The following CFH variants were observed in gnomAD, a reference collection of about 807,000 sequenced individuals.
The protein encoded by CFH is H factor 1 (complement).
In CFH, 53 loss-of-function variants were observed where a neutral mutation model predicts 147.3. The ratio of observed to expected loss-of-function variants is 0.36; its 90% CI spans 0.29 to 0.45. The LOEUF (loss-of-function observed/expected upper bound fraction) is 0.45. CFH is among the 20% of genes least tolerant of loss of function. The pLI, the probability that CFH is intolerant of heterozygous loss-of-function variation, is 1.00. For synonymous variants in CFH, 536 were observed against 489.4 expected (o/e 1.10, Z -1.26); for missense variants, 1,380 against 1,498.0 (o/e 0.92, Z 1.30).
intron 6 of CFH, 116 bp from the exon 7 acceptor site, chr1:196,684,948 C>G: frequency 1.3e-6 from 1 of 783,988 alleles, no homozygotes; most frequent in Non-Finnish European, 2.1e-6. Flanking sequence ...ATTTTAATGC[C>G]ATTTTGTATT....
intron 20 of CFH, among the ~76,000 whole-genome samples, chr1:196,744,124 A>G (rs1390641782): frequency 6.6e-6 from 1 of 152,144 alleles, no homozygotes; most frequent in Non-Finnish European, 1.5e-5. Context: ...AAACCAAAAA[A>G]GGAAATTGTA....
Position 196,743,457 on chromosome 1 carries a change from T to G in CFH, c.3139T>G (p.Ser1047Ala), listed in dbSNP as rs1411551157. Reference protein sequence around the residue: ...WTGRPTCRDTSCVNPPTVQNA... With the variant: ...WTGRPTCRDTACVNPPTVQNA... ...CTTCTTTTTTTTCTATTCAGACACC[T>G]CCTGTGTGAATCCGCCCACAGTACA... The change falls in exon 20 of 22, where the codon TCC becomes GCC. Residue 1047 changes from serine (S) to alanine (A), a missense_variant. Transcript: ENST00000367429. 11 of 1,613,856 alleles carry G rather than the reference T, an allele frequency of 6.8e-6. No individual in the cohort carries two copies. The African/African-American group carries it at 1.3e-4, about 20-fold the overall frequency.
chr1:196,701,230 G>T, intron 9 of CFH: 1 of 1,587,546 alleles, frequency 6.3e-7, no homozygotes, highest in East Asian at 2.2e-5. Flanking sequence ...TGTTTGGTCA[G>T]TCACATTCAG....
At chr1:196,660,862 G>T (rs1363373361) in intron 1 of CFH, among the ~76,000 whole-genome samples, 4 of 152,154 alleles carry the variant, frequency 2.6e-5, no homozygotes, top group Non-Finnish European at 5.9e-5. Flanking sequence ...AGAATTAGGG[G>T]CACAAACGTA....
At chr1:196,667,294 G>C (rs1296531042) in intron 1 of CFH, among the ~76,000 whole-genome samples, 1 of 152,136 alleles carries the variant, frequency 6.6e-6, no homozygotes, top group Non-Finnish European at 1.5e-5. Flanking sequence ...AGTTACCAAC[G>C]TGTCATCAGG....
intron 1 of CFH, among the ~76,000 whole-genome samples, chr1:196,654,866 T>C (rs944639229): frequency 3.9e-5 from 6 of 152,052 alleles, no homozygotes; most frequent in African/African-American, 1.4e-4. Context: ...AAATCCTAAA[T>C]TGTATGTTTG....
chr1:196,725,345 T>A (rs1423626912), intron 12 of CFH, 48 bp downstream of exon 12: 1 of 1,573,514 alleles, frequency 6.4e-7, no homozygotes, highest in Non-Finnish European at 8.7e-7. Context: ...GAACTTTGAA[T>A]ACCAACTTTT....
chr1:196,743,513 T>C lies in CFH; in HGVS notation c.3195T>C (p.Ser1065=). 1 of 1,614,034 alleles carries C rather than the reference T, an allele frequency of 6.2e-7. No individual in the cohort carries two copies. ...CTTATATAGTGTCGAGACAGATGAG[T>C]AAATATCCATCTGGTGAGAGAGTAC... ...QNAYIVSRQM[S]KYPSGERVRY... Residue 1065 remains serine, a synonymous_variant, in exon 20 of 22, where the codon AGT becomes AGC. Transcript: ENST00000367429.
Position 196,737,552 on chromosome 1 carries a change from G to A in CFH, c.2674G>A (p.Ala892Thr). ...ATCCAGGTCTTCACAAGAAAGTTATGCACATGGGACTAAATTGAGTTATAC... is the reference window on the plus strand; with the variant it reads ...ATCCAGGTCTTCACAAGAAAGTTATACACATGGGACTAAATTGAGTTATAC... The part of the protein sequence containing the change: ...NSSRSSQESY[A>T]HGTKLSYTCE... Residue 892 changes from alanine (A) to threonine (T), a missense_variant, in exon 17 of 22, where the codon GCA (alanine) becomes ACA (threonine). Coordinates refer to ENST00000367429, the MANE Select transcript of CFH (RefSeq NM_000186.4). 6.2e-7 allele frequency: 1 copy of A among 1,613,250 alleles called. No individual in the cohort carries two copies. Among genetic ancestry groups the A allele is most frequent in the Non-Finnish European group, 8.5e-7 (1 of 1,179,464 alleles).
Position 196,743,572 on chromosome 1 carries a change from G to C in CFH, c.3254G>C (p.Gly1085Ala). The change falls in exon 20 of 22, where the codon GGG (glycine) becomes GCG (alanine). Residue 1085 changes from glycine (G) to alanine (A), a missense_variant. This residue lies in a region of CFH where 123 missense variants were observed against 185.3 expected (regional missense o/e 0.66). Coordinates refer to ENST00000367429, the MANE Select transcript of CFH (RefSeq NM_000186.4). The stretch of plus-strand genomic sequence containing the variant: ...TGTAGGAGCCCTTATGAAATGTTTG[G>C]GGATGAAGAAGTGATGTGTTTAAAT... Reference protein sequence around the residue: ...YQCRSPYEMFGDEEVMCLNGN... With the variant: ...YQCRSPYEMFADEEVMCLNGN... 1 of 1,614,018 alleles carries C rather than the reference G, an allele frequency of 6.2e-7. No homozygotes were observed.
At chr1:196,714,669 A>ATATATATATATATG (rs1491279313) in intron 10 of CFH, among the ~76,000 whole-genome samples, 1 of 21,240 alleles carries the variant, frequency 4.7e-5, no homozygotes, top group Admixed American at 7.2e-4. Context: ...ATATATATAT[A>ATATATATATATATG]GAGAGAGAGA....
At chr1:196,720,570 A>T (rs1377904759) in intron 11 of CFH, among the ~76,000 whole-genome samples, 1 of 152,012 alleles carries the variant, frequency 6.6e-6, no homozygotes, top group South Asian at 2.1e-4. Flanking sequence ...TTTACCTAAA[A>T]TAATGGCCTT....
intron 9 of CFH, among the ~76,000 whole-genome samples, chr1:196,698,491 G>C (rs919583295): frequency 2.0e-5 from 3 of 152,022 alleles, no homozygotes; most frequent in African/African-American, 7.2e-5. Flanking sequence ...ATAAATTCCT[G>C]GACACATACA....
chr1:196,685,767 C>T (rs1202351131), intron 7 of CFH, among the ~76,000 whole-genome samples: 1 of 151,994 alleles, frequency 6.6e-6, no homozygotes, highest in East Asian at 1.9e-4. Flanking sequence ...TGTCAGGAGG[C>T]CTCAGGTCCT....
At chr1:196,655,254 GT>G (rs1666648327) in intron 1 of CFH, among the ~76,000 whole-genome samples, 1 of 152,126 alleles carries the variant, frequency 6.6e-6, no homozygotes, top group South Asian at 2.1e-4. Flanking sequence ...GGAAGATGGG[GT>G]TTTCCCAGGT....
At chr1:196,667,289 C>T (rs985009914) in intron 1 of CFH, among the ~76,000 whole-genome samples, 2 of 152,126 alleles carry the variant, frequency 1.3e-5, no homozygotes, top group Non-Finnish European at 2.9e-5. Flanking sequence ...TTTCAAGTTA[C>T]CAACGTGTCA....
At chr1:196,685,809 T>C (rs767538036) in intron 7 of CFH, among the ~76,000 whole-genome samples, 24 of 152,066 alleles carry the variant, frequency 1.6e-4, no homozygotes, top group Non-Finnish European at 2.8e-4. Context: ...AGTTGATAAA[T>C]GGCAGCTTTC....
At chr1:196,742,714 A>G (rs1379327371) in intron 19 of CFH, among the ~76,000 whole-genome samples, 1 of 152,190 alleles carries the variant, frequency 6.6e-6, no homozygotes, top group Non-Finnish European at 1.5e-5. Context: ...TGTTTTACCA[A>G]CACCTCCAGG....
At chr1:196,736,310 T>C (rs532546086) in intron 15 of CFH, among the ~76,000 whole-genome samples, 4 of 152,212 alleles carry the variant, frequency 2.6e-5, no homozygotes, top group African/African-American at 9.6e-5. Flanking sequence ...TGATTATATT[T>C]AATGCTTATA....
Sources: gnomAD v4.1 joint callset for allele counts (sites outside exome capture counted in the v4.1 genomes callset) on GRCh38, gnomAD v4.1.1 for gene constraint, gnomAD v4.1.1 regional missense constraint, MANE v1.5 for transcripts, NCBI Gene and HGNC (gene_info 2026-07-23, HGNC 2026-07-21) for gene names.